PCDHGB3: variants seen among roughly 807,000 people sequenced by gnomAD.
The protein encoded by PCDHGB3 is protocadherin gamma-B3.
PCDHGB3 carries 40 observed loss-of-function variants against 59.2 expected under a neutral mutation model. The observed-to-expected ratio is 0.68, with a 90% CI of 0.52 to 0.88. The LOEUF (loss-of-function observed/expected upper bound fraction) is 0.88, where lower values mean the gene tolerates loss of function less well. Ranked by LOEUF, PCDHGB3 falls within the 40% of genes least tolerant of loss-of-function variation. The probability of loss-of-function intolerance (pLI) is 0.00; values close to 1 mark genes in which losing one functional copy is unlikely to be tolerated. For synonymous variants in PCDHGB3, 581 were observed against 503.6 expected (o/e 1.15, Z -2.06); for missense variants, 1,309 against 1,187.9 (o/e 1.10, Z -1.50).
At chr5:141,417,667 C>A (rs545100460) in intron 1 of PCDHGB3, 5 of 918,744 alleles carry the variant, frequency 5.4e-6, no homozygotes, top group South Asian at 3.8e-5. Flanking sequence ...GGATTCCCTG[C>A]GCAGCCAACA....
chr5:141,415,147 C>A lies in PCDHGB3; in HGVS notation c.2415+42338C>A, dbSNP rs779194230. The A allele has an allele frequency of 9.9e-6, 16 of 1,613,668 alleles. No individual in the cohort carries two copies. Among genetic ancestry groups the A allele is most frequent in the African/African-American group, 1.3e-5 (1 of 74,952 alleles). On this transcript the variant is annotated intron_variant, in intron 1 of 3. Transcript: ENST00000576222. ...CGTCCAGGACCACGGCCAGCCCCCT[C>A]TCTCCGCCACTGTCACGCTCACCGT... is the stretch of plus-strand genomic sequence containing the variant.
Position 141,487,298 on chromosome 5 carries a change from G to T in PCDHGB3, c.2416-7509G>T. 6.2e-7 allele frequency: 1 copy of T among 1,614,072 alleles called. No individual in the cohort carries two copies. Among genetic ancestry groups the T allele is most frequent in the Non-Finnish European group, 8.5e-7 (1 of 1,180,018 alleles). ...TTGCTTTGTCTCCTTTGGCTCATTC[G>T]TGGCACTACTCTCTAAGTGTCTTCG... On this transcript the variant is annotated intron_variant, in intron 1 of 3. Coordinates refer to ENST00000576222, the MANE Select transcript of PCDHGB3 (RefSeq NM_018924.5). This position sits in a 1 kb window ranked among gnomAD's most constrained non-coding sequence, Gnocchi z 5.0.
At position 141,494,824 on chromosome 5, in the gene PCDHGB3, G is replaced by C; in HGVS notation, c.2433G>C (p.Thr811=). 6.2e-7 allele frequency: 1 copy of C among 1,614,042 alleles called. No individual in the cohort carries two copies. Among genetic ancestry groups the C allele is most frequent in the East Asian group, 2.2e-5 (1 of 44,866 alleles). The change falls in exon 2 of 4, where the codon ACG becomes ACC. Residue 811 remains threonine, a synonymous_variant. Transcript: ENST00000576222. The part of the protein sequence containing the change: ...GNLQKQAPPN[T]DWRFSQAQRP... ...CTCCACAGCAAGCCCCGCCCAACAC[G>C]GACTGGCGTTTCTCTCAGGCCCAGA...
intron 1 of PCDHGB3, chr5:141,409,193 T>C (rs1268258873): frequency 2.5e-6 from 4 of 1,613,870 alleles, no homozygotes; most frequent in Admixed American, 1.7e-5. Flanking sequence ...CTCTACCCAG[T>C]GTAAAGTAAT....
chr5:141,431,502 G>A lies in PCDHGB3; in HGVS notation c.2415+58693G>A, dbSNP rs749812839. ...CCAGCGTTTGCTCAGCCCGAGTACC[G>A]CGCGAGCGTTCCGGAGAATCTGGCC... On this transcript the variant is annotated intron_variant, in intron 1 of 3. Coordinates refer to ENST00000576222, the MANE Select transcript of PCDHGB3 (RefSeq NM_018924.5). This position sits in a 1 kb window ranked among gnomAD's most constrained non-coding sequence, Gnocchi z 4.8. 6 of 1,614,008 alleles carry A rather than the reference G, an allele frequency of 3.7e-6. No homozygotes were observed. In the East Asian group the frequency reaches 6.7e-5, roughly 18 times the overall value.
chr5:141,499,029 A>AAGGAAGGAAGG lies in PCDHGB3; in HGVS notation c.2474+4165_2474+4166insGGAAGGAAGGA, dbSNP rs1562187768. ...GGAAGGAAGGAAGGAAGGAAGGAAG[A>AAGGAAGGAAGG]AAAGAAAGAAAAAGGGAGAAAAAAT... On this transcript the variant is annotated intron_variant, in intron 2 of 3. Transcript: ENST00000576222. 4.1e-4 allele frequency among the ~76,000 whole-genome samples: 57 copies of AAGGAAGGAAGG among 140,074 alleles called. 2 individuals are homozygous for AAGGAAGGAAGG. Among genetic ancestry groups the AAGGAAGGAAGG allele is most frequent in the African/African-American group, 1.4e-3 (52 of 36,074 alleles). 91.9% of individuals were successfully genotyped at this position (140,074 alleles called of 152,430 possible).
intron 1 of PCDHGB3, chr5:141,408,220 G>T: frequency 6.4e-7 from 1 of 1,558,994 alleles, no homozygotes; most frequent in Admixed American, 1.9e-5. Flanking sequence ...GGAGCTGCGC[G>T]CAGAGGCGCC....
chr5:141,382,040 G>T, intron 1 of PCDHGB3, among the ~76,000 whole-genome samples: 1 of 151,758 alleles, frequency 6.6e-6, no homozygotes, highest in Admixed American at 6.6e-5. Flanking sequence ...TGTTGGTCAG[G>T]CTGGTCTCAA....
Position 141,489,828 on chromosome 5 carries a change from A to G in PCDHGB3, c.2416-4979A>G. The G allele has an allele frequency of 1.9e-6, 3 of 1,614,010 alleles. No homozygotes were observed. The highest frequency in any genetic ancestry group is 1.1e-5 in the South Asian group (1 of 91,080). ...GGAAGCCATTCCCAGAGCTGGTGCTAGAGCAGCAGCTGGATCGTGAAGCCC... is the reference window on the plus strand; with the variant it reads ...GGAAGCCATTCCCAGAGCTGGTGCTGGAGCAGCAGCTGGATCGTGAAGCCC... On this transcript the variant is annotated intron_variant, in intron 1 of 3. Transcript: ENST00000576222. The surrounding 1 kb of genome is among the most constrained non-coding windows in gnomAD (Gnocchi z 4.5).
chr5:141,381,826 C>CTTTTTTTTTTTT (rs770630741), intron 1 of PCDHGB3, among the ~76,000 whole-genome samples: 14 of 74,282 alleles, frequency 1.9e-4, no homozygotes, highest in Admixed American at 5.8e-4. Context: ...CTTTCTTCTT[C>CTTTTTTTTTTTT]TTTTTTTTTT....
At chr5:141,466,794 T>C (rs1487051313) in intron 1 of PCDHGB3, among the ~76,000 whole-genome samples, 2 of 152,226 alleles carry the variant, frequency 1.3e-5, no homozygotes, top group Non-Finnish European at 2.9e-5. Context: ...TGCCTCAAAC[T>C]AGATCCTATT....
At chr5:141,374,758 C>A (rs1316048031) in intron 1 of PCDHGB3, 3 of 1,613,200 alleles carry the variant, frequency 1.9e-6, no homozygotes, top group Non-Finnish European at 2.5e-6. Context: ...GCTCAAGCGT[C>A]GCCCAAATTC....
chr5:141,389,718 C>G, intron 1 of PCDHGB3: 5 of 1,612,622 alleles, frequency 3.1e-6, no homozygotes, highest in Non-Finnish European at 4.2e-6. Flanking sequence ...GGCTAGCGAG[C>G]CCGGGCTCTT....
chr5:141,419,845 G>A, intron 1 of PCDHGB3: 3 of 1,614,064 alleles, frequency 1.9e-6, no homozygotes, highest in Non-Finnish European at 2.5e-6. Context: ...CGCTGCACCT[G>A]GTGTTCGCAG....
intron 1 of PCDHGB3, chr5:141,428,142 C>A: frequency 6.3e-7 from 1 of 1,594,260 alleles, no homozygotes; most frequent in Non-Finnish European, 8.6e-7. Flanking sequence ...CCTGGGGCTG[C>A]ACACGGGAAC....
intron 1 of PCDHGB3, chr5:141,416,401 T>C (rs2096020867): frequency 6.6e-6 from 1 of 152,204 alleles, no homozygotes; most frequent in African/African-American, 2.4e-5. Context: ...TGCTTTTGTC[T>C]TTTTTGTTAA....
chr5:141,498,805 C>T (rs1397026274), intron 2 of PCDHGB3, among the ~76,000 whole-genome samples: 1 of 152,000 alleles, frequency 6.6e-6, no homozygotes, highest in Non-Finnish European at 1.5e-5. Flanking sequence ...TGGTGGTGCA[C>T]ACCTGTAGTC....
chr5:141,476,557 C>T lies in PCDHGB3; in HGVS notation c.2416-18250C>T. On this transcript the variant is annotated intron_variant, in intron 1 of 3. Coordinates refer to ENST00000576222, the MANE Select transcript of PCDHGB3 (RefSeq NM_018924.5). This position sits in a 1 kb window ranked among gnomAD's most constrained non-coding sequence, Gnocchi z 7.6. ...AAATGAAATTGGAGATTAGCGAGGC[C>T]GTGGCTCCGGGGACGCGCTTTCCGC... The T allele has an allele frequency of 1.2e-6, 2 of 1,614,222 alleles. No homozygotes were observed. The highest frequency in any genetic ancestry group is 1.3e-5 in the African/African-American group (1 of 75,060).
intron 1 of PCDHGB3, 78 bp from the exon 2 acceptor site, chr5:141,494,729 C>CG: frequency 6.2e-7 from 1 of 1,610,168 alleles, no homozygotes; most frequent in South Asian, 1.1e-5. Context: ...CCTTCTCTCC[C>CG]GGCCCATCCC....
Sources: allele counts gnomAD v4.1 joint callset (sites outside exome capture counted in the v4.1 genomes callset), GRCh38; gene constraint gnomAD v4.1.1; non-coding constraint Gnocchi (gnomAD v3.1); transcripts MANE v1.5; gene names NCBI Gene and HGNC (gene_info 2026-07-23, HGNC 2026-07-21).